The following AGFG1 variants were observed in gnomAD, a reference collection of about 807,000 sequenced individuals.
AGFG1 encodes the protein ArfGAP with FG repeats 1, also known as arf-GAP domain and FG repeat-containing protein 1.
Under a neutral mutation model 60.6 loss-of-function variants are expected in AGFG1, and 10 were observed. That is an observed-to-expected ratio of 0.16 (90% CI 0.10 to 0.28). The LOEUF is 0.28. Ranked by LOEUF, AGFG1 falls within the 10% of genes least tolerant of loss-of-function variation. AGFG1 has a pLI of 1.00. For missense variants in AGFG1, 537 were observed against 676.5 expected (o/e 0.79, Z 2.29); for synonymous variants, 247 against 242.9 (o/e 1.02, Z -0.16).
At chr2:227,523,061 A>C (rs551468094) in intron 3 of AGFG1, among the ~76,000 whole-genome samples, 1 of 152,188 alleles carries the variant, frequency 6.6e-6, no homozygotes, top group Non-Finnish European at 1.5e-5. Context: ...CCATGTGTAC[A>C]TGCATCTGTA....
intron 12 of AGFG1, 128 bp downstream of exon 12, chr2:227,553,923 G>A: frequency 1.5e-6 from 1 of 660,384 alleles, no homozygotes; most frequent in South Asian, 2.5e-5. Flanking sequence ...TCATAAGATT[G>A]TACAAATTGA....
chr2:227,484,066 C>G (rs936976483), intron 1 of AGFG1, among the ~76,000 whole-genome samples: 2 of 152,148 alleles, frequency 1.3e-5, no homozygotes, highest in Non-Finnish European at 2.9e-5. Flanking sequence ...TACCCCCACC[C>G]TCCATTTTCT....
chr2:227,484,103 A>AT (rs1223366618), intron 1 of AGFG1, among the ~76,000 whole-genome samples: 1 of 151,658 alleles, frequency 6.6e-6, no homozygotes, highest in East Asian at 1.9e-4. Flanking sequence ...AAATTGTACT[A>AT]TTGATATTAA....
At chr2:227,531,318 T>C in intron 6 of AGFG1, 108 bp downstream of exon 6, 2 of 1,295,510 alleles carry the variant, frequency 1.5e-6, no homozygotes, top group Non-Finnish European at 1.0e-6. Flanking sequence ...TTATCTGACT[T>C]TAAAATGGTT....
intron 7 of AGFG1, 133 bp downstream of exon 7, chr2:227,533,891 T>C: frequency 1.3e-6 from 1 of 764,584 alleles, no homozygotes; most frequent in South Asian, 1.9e-5. Context: ...ACTGTCATTT[T>C]GAGTAAAATG....
intron 10 of AGFG1, among the ~76,000 whole-genome samples, chr2:227,551,362 A>G (rs1692814935): frequency 6.6e-6 from 1 of 152,044 alleles, no homozygotes; most frequent in Admixed American, 6.6e-5. Context: ...ATAGGAAAAT[A>G]TCCTTTTAAT....
chr2:227,514,323 T>A (rs1691589189), intron 2 of AGFG1, among the ~76,000 whole-genome samples: 2 of 152,106 alleles, frequency 1.3e-5, no homozygotes, highest in Non-Finnish European at 2.9e-5. Flanking sequence ...GCAATTCTCC[T>A]GCCTCAGCCT....
chr2:227,529,393 A>G (rs1312002305), intron 5 of AGFG1, among the ~76,000 whole-genome samples: 1 of 152,142 alleles, frequency 6.6e-6, no homozygotes, highest in East Asian at 1.9e-4. Context: ...CGACTGATGG[A>G]ACCATTAATG....
chr2:227,544,313 C>G (rs1692579545), intron 10 of AGFG1, among the ~76,000 whole-genome samples: 1 of 152,064 alleles, frequency 6.6e-6, no homozygotes, highest in Non-Finnish European at 1.5e-5. Flanking sequence ...CACCACCACA[C>G]CCGGCTAATT....
chr2:227,492,635 TAGTG>T (rs1353365740), intron 2 of AGFG1, among the ~76,000 whole-genome samples: 1 of 152,092 alleles, frequency 6.6e-6, no homozygotes, highest in Non-Finnish European at 1.5e-5. Context: ...GGTTCTAAAA[TAGTG>T]AGGAAATATA....
In AGFG1 at chr2:227,561,018, G is replaced by A. The variant is rs767856339; in HGVS notation, c.*6523G>A. On this transcript the variant is annotated 3_prime_UTR_variant, in exon 13 of 13. Coordinates refer to ENST00000310078, the MANE Select transcript of AGFG1 (RefSeq NM_004504.5). Reference sequence around the variant, plus strand: ...AGTCAGCAGGGCATGTTTGGAAAATGTTAATACGCCATGATTTTTGAAGAC... The same window carrying A: ...AGTCAGCAGGGCATGTTTGGAAAATATTAATACGCCATGATTTTTGAAGAC... The A allele has an allele frequency of 1.3e-4, 20 of 152,156 alleles. No homozygotes were observed. The highest frequency in any genetic ancestry group is 2.6e-4 in the Non-Finnish European group (18 of 67,992). The allele number at this position is 152,156 out of a possible 1,614,324, so 9.4% of individuals were successfully genotyped here.
Position 227,557,610 on chromosome 2 carries a change from A to G in AGFG1, c.*3115A>G, listed in dbSNP as rs1339234633. 2 of 152,184 alleles carry G rather than the reference A, an allele frequency of 1.3e-5. No individual in the cohort carries two copies. Among genetic ancestry groups the G allele is most frequent in the African/African-American group, 4.8e-5 (2 of 41,428 alleles). The allele number at this position is 152,184 out of a possible 1,614,324, so 9.4% of individuals were successfully genotyped here. ...AAAACATGTTTATTTATTTAAGTATAACAGTAATAAACTAATAACTTGCTA... is the reference window on the plus strand; with the variant it reads ...AAAACATGTTTATTTATTTAAGTATGACAGTAATAAACTAATAACTTGCTA... On this transcript the variant is annotated 3_prime_UTR_variant, in exon 13 of 13. Coordinates refer to ENST00000310078, the MANE Select transcript of AGFG1 (RefSeq NM_004504.5).
chr2:227,492,911 TAAC>T (rs1177720877), intron 2 of AGFG1, among the ~76,000 whole-genome samples: 6 of 152,146 alleles, frequency 3.9e-5, no homozygotes, highest in African/African-American at 1.4e-4. Context: ...AGGATTAACT[TAAC>T]ATTGCACACT....
At chr2:227,503,438 CAG>C (rs1201454849) in intron 2 of AGFG1, among the ~76,000 whole-genome samples, 1 of 152,128 alleles carries the variant, frequency 6.6e-6, no homozygotes, top group Admixed American at 6.5e-5. Flanking sequence ...TATTCTGGGT[CAG>C]GGGTTGACCA....
chr2:227,482,091 T>C (rs982882344), intron 1 of AGFG1, among the ~76,000 whole-genome samples: 1 of 152,118 alleles, frequency 6.6e-6, no homozygotes, highest in African/African-American at 2.4e-5. Context: ...GGTCTCGATC[T>C]CCTGACCTCG....
intron 3 of AGFG1, among the ~76,000 whole-genome samples, chr2:227,522,775 A>G (rs1406931629): frequency 6.6e-6 from 1 of 152,214 alleles, no homozygotes; most frequent in Non-Finnish European, 1.5e-5. Flanking sequence ...ACAAAGAGCA[A>G]AAGCTCTCAC....
chr2:227,506,178 A>T (rs968613419), intron 2 of AGFG1, among the ~76,000 whole-genome samples: 1 of 152,106 alleles, frequency 6.6e-6, no homozygotes, highest in African/African-American at 2.4e-5. Context: ...GTTTCTTTGT[A>T]TATGTAGTGC....
rs747789566 is a variant in AGFG1, at chr2:227,523,749, T to C, written c.378-14T>C. The C allele has an allele frequency of 6.3e-7, 1 of 1,592,732 alleles. No individual in the cohort carries two copies. The highest frequency in any genetic ancestry group is 8.6e-7 in the Non-Finnish European group (1 of 1,166,454). On this transcript the variant is annotated splice_polypyrimidine_tract_variant and intron_variant, in intron 3 of 12. Transcript: ENST00000310078. Reference sequence around the variant, plus strand: ...TACATTTTTTTTTAGTTAACTGTTTTTTACATGTTTTAGGTATGTCCCGCC... The same window carrying C: ...TACATTTTTTTTTAGTTAACTGTTTCTTACATGTTTTAGGTATGTCCCGCC...
intron 10 of AGFG1, among the ~76,000 whole-genome samples, chr2:227,540,197 GT>G (rs56275707): frequency 9.6e-4 from 140 of 145,442 alleles, no homozygotes; most frequent in African/African-American, 2.2e-3. Context: ...TGGGGCTTTA[GT>G]TTTTTTTTTT....
Sources: gnomAD v4.1 joint callset for allele counts (sites outside exome capture counted in the v4.1 genomes callset) on GRCh38, gnomAD v4.1.1 for gene constraint, MANE v1.5 for transcripts, NCBI Gene and HGNC (gene_info 2026-07-23, HGNC 2026-07-21) for gene names.